The following XKR4 variants were observed in gnomAD, a reference collection of about 807,000 sequenced individuals.
XKR4 encodes the protein XK-related protein 4.
XKR4 carries 12 observed loss-of-function variants against 53.9 expected under a neutral mutation model. That is an observed-to-expected ratio of 0.22 (90% CI 0.14 to 0.36). XKR4 has a LOEUF of 0.36. Ranked by LOEUF, XKR4 falls within the 10% of genes least tolerant of loss-of-function variation. The pLI, the probability that XKR4 is intolerant of heterozygous loss-of-function variation, is 1.00. For synonymous variants in XKR4, 354 were observed against 362.4 expected (o/e 0.98, Z 0.26); for missense variants, 799 against 859.5 (o/e 0.93, Z 0.88).
chr8:55,295,334 T>C (rs1220038682), intron 1 of XKR4, among the ~76,000 whole-genome samples: 2 of 152,200 alleles, frequency 1.3e-5, no homozygotes, highest in African/African-American at 4.8e-5. Flanking sequence ...CATCAGAGAA[T>C]ATTTCTTCTA....
chr8:55,493,069 G>T (rs114638977), intron 2 of XKR4, among the ~76,000 whole-genome samples: 1,614 of 152,188 alleles, frequency 0.011, 27 homozygotes, highest in African/African-American at 0.036. Context: ...GACTCTAGAG[G>T]ATAGTGTGGG....
intron 1 of XKR4, among the ~76,000 whole-genome samples, chr8:55,316,461 G>A (rs905285196): frequency 2.0e-5 from 3 of 152,196 alleles, no homozygotes; most frequent in Non-Finnish European, 4.4e-5. Context: ...TTTGTCAAAG[G>A]TGATTATAGC....
In XKR4 at chr8:55,248,528, G is replaced by A. The variant is rs778914437; in HGVS notation, c.807-109150G>A. Among the ~76,000 whole-genome samples, 42 of 152,274 alleles carry A rather than the reference G, an allele frequency of 2.8e-4. 1 individual carries two copies. The highest frequency in any genetic ancestry group is 3.4e-3 in the Middle Eastern group (1 of 294). On this transcript the variant is annotated intron_variant, in intron 1 of 2. Transcript: ENST00000327381. ...ATTTTATCATATATCAAAACAATAC[G>A]TAACACTAGTAGTGTTTATACAGGG...
At chr8:55,237,921 G>C (rs1026656968) in intron 1 of XKR4, among the ~76,000 whole-genome samples, 1 of 151,518 alleles carries the variant, frequency 6.6e-6, no homozygotes, top group African/African-American at 2.4e-5. Flanking sequence ...CCTAGCTGAA[G>C]AGCTTAGGTA....
intron 1 of XKR4, among the ~76,000 whole-genome samples, chr8:55,238,665 G>A (rs1319851588): frequency 6.6e-6 from 1 of 152,142 alleles, no homozygotes; most frequent in Non-Finnish European, 1.5e-5. Context: ...AGGGACAGGA[G>A]CCAGCCACCA....
intron 1 of XKR4, among the ~76,000 whole-genome samples, chr8:55,326,918 G>T (rs1156729184): frequency 1.3e-5 from 2 of 151,850 alleles, no homozygotes; most frequent in African/African-American, 2.4e-5. Flanking sequence ...GTGGCCAGTG[G>T]TCAAATGTGG....
intron 2 of XKR4, among the ~76,000 whole-genome samples, chr8:55,518,190 C>T (rs1233307406): frequency 6.6e-6 from 1 of 152,204 alleles, no homozygotes; most frequent in Non-Finnish European, 1.5e-5. Flanking sequence ...TTCTTGTTTA[C>T]ACCCAGACCA....
At chr8:55,147,841 A>C (rs928344460) in intron 1 of XKR4, among the ~76,000 whole-genome samples, 1 of 152,182 alleles carries the variant, frequency 6.6e-6, no homozygotes, top group South Asian at 2.1e-4. Flanking sequence ...AAAGAGAAAA[A>C]TGTAACCAGA....
In XKR4 at chr8:55,214,910, A is replaced by C. The variant is rs1422377412; in HGVS notation, c.806+111616A>C. Among the ~76,000 whole-genome samples, 25 of 152,230 alleles carry C rather than the reference A, an allele frequency of 1.6e-4. 1 individual carries two copies. Among genetic ancestry groups the C allele is most frequent in the Admixed American group, 1.6e-3 (25 of 15,286 alleles). On this transcript the variant is annotated intron_variant, in intron 1 of 2. Coordinates refer to ENST00000327381, the MANE Select transcript of XKR4 (RefSeq NM_052898.2). ...ATTTTCATTTATGAAATACACATAT[A>C]AAAGAAGAAAATATGCCAGAAATTA...
intron 2 of XKR4, among the ~76,000 whole-genome samples, chr8:55,497,870 G>A (rs947427290): frequency 4.6e-5 from 7 of 152,040 alleles, no homozygotes; most frequent in East Asian, 3.9e-4. Flanking sequence ...ACCTCACACC[G>A]AGTGAACCCC....
At chr8:55,116,624 A>G (rs909189140) in intron 1 of XKR4, among the ~76,000 whole-genome samples, 1 of 152,202 alleles carries the variant, frequency 6.6e-6, no homozygotes, top group African/African-American at 2.4e-5. Flanking sequence ...TGATTTCCTT[A>G]TTTCACATTA....
At chr8:55,360,179 G>T (rs1234624893) in intron 2 of XKR4, among the ~76,000 whole-genome samples, 1 of 152,216 alleles carries the variant, frequency 6.6e-6, no homozygotes, top group Non-Finnish European at 1.5e-5. Context: ...TAACAAGGCA[G>T]GTGGGTAGAT....
In XKR4 at chr8:55,102,961, C is replaced by G. The variant is rs780172770; in HGVS notation, c.473C>G (p.Ser158Trp). 1 of 1,611,522 alleles carries G rather than the reference C, an allele frequency of 6.2e-7. No individual in the cohort carries two copies. Among genetic ancestry groups the G allele is most frequent in the Non-Finnish European group, 8.5e-7 (1 of 1,179,844 alleles). The change falls in exon 1 of 3, where the codon TCG becomes TGG. Residue 158 changes from serine (S) to tryptophan (W), a missense_variant. Coordinates refer to ENST00000327381, the MANE Select transcript of XKR4 (RefSeq NM_052898.2). This position sits in a 1 kb window ranked among gnomAD's most constrained non-coding sequence, Gnocchi z 5.1. ...TLFFVVLGSLSVQVFSFRWFV... is the reference protein window; with the variant it reads ...TLFFVVLGSLWVQVFSFRWFV... ...TTCTTCGTGGTGCTCGGCTCTCTGT[C>G]GGTGCAAGTGTTCAGCTTCCGCTGG...
rs150105250 is a variant in XKR4 at position 55,353,311 on chromosome 8, A to T, written c.807-4367A>T. On this transcript the variant is annotated intron_variant, in intron 1 of 2. Coordinates refer to ENST00000327381, the MANE Select transcript of XKR4 (RefSeq NM_052898.2). The stretch of plus-strand genomic sequence containing the variant: ...ATTGGGGTGACTCCTAATCAGTATG[A>T]CTGTGTAGTTATATAAAGAAGAAAT... Among the ~76,000 whole-genome samples the T allele has an allele frequency of 2.6e-4, 40 of 152,308 alleles. 1 individual carries two copies. The highest frequency in any genetic ancestry group is 9.6e-4 in the African/African-American group (40 of 41,568).
chr8:55,265,862 G>A (rs1435599602), intron 1 of XKR4, among the ~76,000 whole-genome samples: 2 of 151,844 alleles, frequency 1.3e-5, no homozygotes. Flanking sequence ...GCATGCACCT[G>A]TAGTCCCAGC....
chr8:55,137,572 C>CTT (rs369443865), intron 1 of XKR4, among the ~76,000 whole-genome samples: 2,378 of 130,722 alleles, frequency 0.018, 88 homozygotes, highest in African/African-American at 0.064. Flanking sequence ...CAGAAGAGAA[C>CTT]TTTTTTTTTT....
At chr8:55,243,946 A>C (rs1018326666) in intron 1 of XKR4, among the ~76,000 whole-genome samples, 1 of 152,232 alleles carries the variant, frequency 6.6e-6, no homozygotes, top group Non-Finnish European at 1.5e-5. Flanking sequence ...ACACAACAGT[A>C]ATTATTCTAT....
At chr8:55,111,969 G>A (rs1310193912) in intron 1 of XKR4, among the ~76,000 whole-genome samples, 1 of 152,146 alleles carries the variant, frequency 6.6e-6, no homozygotes, top group Non-Finnish European at 1.5e-5. Context: ...TAGGGGTATG[G>A]TGCACTCTGC....
intron 1 of XKR4, among the ~76,000 whole-genome samples, chr8:55,314,682 G>C (rs1404905631): frequency 6.6e-6 from 1 of 152,180 alleles, no homozygotes; most frequent in African/African-American, 2.4e-5. Flanking sequence ...AACTACTAAA[G>C]AGAGAAAGAA....
Sources: gnomAD v4.1 joint callset for allele counts (sites outside exome capture counted in the v4.1 genomes callset) on GRCh38, gnomAD v4.1.1 for gene constraint, Gnocchi (gnomAD v3.1) non-coding constraint, MANE v1.5 for transcripts, NCBI Gene and HGNC (gene_info 2026-07-23, HGNC 2026-07-21) for gene names.